CRPPA: variants seen among roughly 807,000 people sequenced by gnomAD.
The protein encoded by CRPPA is D-ribitol-5-phosphate cytidylyltransferase.
CRPPA carries 43 observed loss-of-function variants against 52.0 expected under a neutral mutation model. The observed-to-expected ratio is 0.83, with a 90% CI of 0.65 to 1.07. CRPPA has a LOEUF of 1.07. CRPPA is among the 50% of genes least tolerant of loss of function. The probability of loss-of-function intolerance (pLI) is 0.00; values close to 1 mark genes in which losing one functional copy is unlikely to be tolerated. For synonymous variants in CRPPA, 250 were observed against 203.5 expected, an observed-to-expected ratio of 1.23 and a Z score of -1.94; for missense variants, 629 against 551.7, an observed-to-expected ratio of 1.14 and a Z score of -1.40.
chr7:16,276,095 A>G (rs1375087835), intron 6 of CRPPA, among the ~76,000 whole-genome samples: 1 of 152,018 alleles, frequency 6.6e-6, no homozygotes, highest in Non-Finnish European at 1.5e-5. Context: ...AAAACACAAA[A>G]GGTAATGACT....
intron 8 of CRPPA, among the ~76,000 whole-genome samples, chr7:16,244,679 T>G (rs1311252306): frequency 2.0e-5 from 3 of 152,174 alleles, no homozygotes; most frequent in Non-Finnish European, 4.4e-5. Context: ...ACGCTGCAAA[T>G]GACAACCTTA....
At chr7:16,258,294 C>T in intron 8 of CRPPA, 96 bp downstream of exon 8, 1 of 708,850 alleles carries the variant, frequency 1.4e-6, no homozygotes, top group Non-Finnish European at 2.3e-6. Flanking sequence ...GAGTATGGGT[C>T]AATGCTCTCA....
chr7:16,196,255 T>G (rs1009236785), intron 9 of CRPPA, among the ~76,000 whole-genome samples: 3 of 152,130 alleles, frequency 2.0e-5, no homozygotes, highest in African/African-American at 7.2e-5. Flanking sequence ...TGAAGTTAGT[T>G]GAGTTTCTGG....
intron 8 of CRPPA, among the ~76,000 whole-genome samples, chr7:16,226,900 A>C (rs1405696865): frequency 2.0e-5 from 3 of 151,832 alleles, no homozygotes; most frequent in Non-Finnish European, 4.4e-5. Flanking sequence ...CATTGAAGTG[A>C]AATTTTATAA....
intron 9 of CRPPA, among the ~76,000 whole-genome samples, chr7:16,093,103 G>A (rs954366485): frequency 2.0e-5 from 3 of 152,090 alleles, no homozygotes; most frequent in South Asian, 2.1e-4. Context: ...CTAGCACACC[G>A]AATTTTATAG....
chr7:16,288,106 T>C (rs1370474215), intron 5 of CRPPA, among the ~76,000 whole-genome samples: 1 of 151,960 alleles, frequency 6.6e-6, no homozygotes, highest in African/African-American at 2.4e-5. Flanking sequence ...GCACCCAAAG[T>C]TGTGAAAAAA....
chr7:16,162,773 G>C (rs942249171), intron 9 of CRPPA, among the ~76,000 whole-genome samples: 4 of 151,972 alleles, frequency 2.6e-5, no homozygotes, highest in Admixed American at 2.0e-4. Flanking sequence ...TATTGACAGT[G>C]GGGTGTTAAA....
intron 9 of CRPPA, among the ~76,000 whole-genome samples, chr7:16,212,382 G>A (rs1431564785): frequency 2.0e-5 from 3 of 152,138 alleles, no homozygotes; most frequent in Non-Finnish European, 4.4e-5. Flanking sequence ...GGGCTAAAAC[G>A]ATACACACTC....
At chr7:16,330,300 T>C (rs989807182) in intron 3 of CRPPA, among the ~76,000 whole-genome samples, 3 of 152,228 alleles carry the variant, frequency 2.0e-5, no homozygotes, top group Non-Finnish European at 2.9e-5. Flanking sequence ...AGAAGAATAT[T>C]TAAAACAAGA....
Position 16,360,263 on chromosome 7 carries a change from T to A in CRPPA, c.684+15829A>T, listed in dbSNP as rs1297648209. On this transcript the variant is annotated intron_variant, in intron 3 of 9. Transcript: ENST00000407010. ...TTTTAAAGCATGCTGTATTTTATACTATTAAAAAGTCATCAATTCTCATAG... is the reference window on the plus strand; with the variant it reads ...TTTTAAAGCATGCTGTATTTTATACAATTAAAAAGTCATCAATTCTCATAG... Among the ~76,000 whole-genome samples the A allele has an allele frequency of 2.6e-5, 4 of 152,348 alleles. No individual in the cohort carries two copies. The East Asian group carries it at 7.7e-4, about 29-fold the overall frequency.
intron 8 of CRPPA, among the ~76,000 whole-genome samples, chr7:16,222,246 A>C (rs369645599): frequency 7.0e-6 from 1 of 143,742 alleles, no homozygotes; most frequent in Non-Finnish European, 1.5e-5. Flanking sequence ...TTGAACAATG[A>C]GATCACATGG....
rs115924994 is a variant in CRPPA, at chr7:16,321,172, A to C, written c.685-12545T>G. 5.2e-3 allele frequency among the ~76,000 whole-genome samples: 798 copies of C among 152,270 alleles called. 6 individuals carry two copies. The highest frequency in any genetic ancestry group is 0.018 in the African/African-American group (734 of 41,572). ...CCTAGATAATTCTTTTTCAGAGTCC[A>C]AATAATTGGGGGAAAGAAGTAATAC... On this transcript the variant is annotated intron_variant, in intron 3 of 9. Coordinates refer to ENST00000407010, the MANE Select transcript of CRPPA (RefSeq NM_001101426.4).
chr7:16,129,107 A>G (rs1468887151), intron 9 of CRPPA, among the ~76,000 whole-genome samples: 1 of 152,062 alleles, frequency 6.6e-6, no homozygotes, highest in Admixed American at 6.6e-5. Flanking sequence ...TTCAGGGGAA[A>G]ATGACATTGA....
At chr7:16,164,369 A>G (rs1359677992) in intron 9 of CRPPA, among the ~76,000 whole-genome samples, 1 of 152,066 alleles carries the variant, frequency 6.6e-6, no homozygotes, top group Non-Finnish European at 1.5e-5. Context: ...CAGGTCATTT[A>G]TGTTCTTCTG....
At chr7:16,381,023 C>G (rs533377165) in intron 2 of CRPPA, among the ~76,000 whole-genome samples, 1 of 150,844 alleles carries the variant, frequency 6.6e-6, no homozygotes, top group Non-Finnish European at 1.5e-5. Flanking sequence ...TATTTCTTGC[C>G]TTCTGCTAGC....
At chr7:16,243,673 T>TA (rs1287219767) in intron 8 of CRPPA, among the ~76,000 whole-genome samples, 10 of 152,062 alleles carry the variant, frequency 6.6e-5, no homozygotes, top group Non-Finnish European at 1.3e-4. Flanking sequence ...TTAGAAAAAA[T>TA]AACCACCTCA....
At chr7:16,223,458 A>G (rs1212009585) in intron 8 of CRPPA, among the ~76,000 whole-genome samples, 1 of 152,214 alleles carries the variant, frequency 6.6e-6, no homozygotes, top group Non-Finnish European at 1.5e-5. Context: ...TAATTAGGTT[A>G]ACAAAATTCA....
intron 3 of CRPPA, among the ~76,000 whole-genome samples, chr7:16,340,757 G>A (rs929146928): frequency 2.0e-5 from 3 of 151,988 alleles, no homozygotes; most frequent in African/African-American, 7.2e-5. Context: ...ACTCCTTAAT[G>A]TTTACCCAAA....
chr7:16,335,145 C>A (rs1194227366), intron 3 of CRPPA, among the ~76,000 whole-genome samples: 4 of 109,922 alleles, frequency 3.6e-5, no homozygotes, highest in Non-Finnish European at 5.5e-5. Context: ...ATAAAGAGAC[C>A]CATCTCTACA....
Sources: gnomAD v4.1 joint callset for allele counts (sites outside exome capture counted in the v4.1 genomes callset) on GRCh38, gnomAD v4.1.1 for gene constraint, MANE v1.5 for transcripts, NCBI Gene and HGNC (gene_info 2026-07-23, HGNC 2026-07-21) for gene names.